MAGI3: variants seen among roughly 807,000 people sequenced by gnomAD.
MAGI3 encodes membrane-associated guanylate kinase, WW and PDZ domain-containing protein 3.
In MAGI3, 43 loss-of-function variants were observed where a neutral mutation model predicts 121.8. The ratio of observed to expected loss-of-function variants is 0.35; its 90% CI spans 0.28 to 0.46. The LOEUF (loss-of-function observed/expected upper bound fraction) is 0.46, where lower values mean the gene tolerates loss of function less well. Ranked by LOEUF, MAGI3 falls within the 20% of genes least tolerant of loss-of-function variation. The probability of loss-of-function intolerance (pLI) is 1.00; values close to 1 mark genes in which losing one functional copy is unlikely to be tolerated. For synonymous variants in MAGI3, 553 were observed against 639.3 expected (o/e 0.86, Z 2.04); for missense variants, 1,547 against 1,797.3 (o/e 0.86, Z 2.52).
intron 1 of MAGI3, among the ~76,000 whole-genome samples, chr1:113,416,214 TA>T (rs764115921): frequency 9.9e-5 from 8 of 81,128 alleles, no homozygotes; most frequent in South Asian, 3.9e-4. Context: ...CACATATTAT[TA>T]TGTGTAATTA....
intron 9 of MAGI3, among the ~76,000 whole-genome samples, chr1:113,623,965 T>C (rs888872289): frequency 4.6e-5 from 7 of 152,200 alleles, no homozygotes; most frequent in Admixed American, 6.5e-5. Context: ...AAAGTTTGTG[T>C]TTCTTTGCCT....
chr1:113,505,627 G>A (rs1570769682), intron 1 of MAGI3, among the ~76,000 whole-genome samples: 1 of 152,094 alleles, frequency 6.6e-6, no homozygotes, highest in East Asian at 1.9e-4. Flanking sequence ...GACAGAGCAG[G>A]GAAGGGAAAA....
intron 19 of MAGI3, among the ~76,000 whole-genome samples, chr1:113,678,531 TTTAA>T (rs1648017925): frequency 2.6e-5 from 4 of 152,222 alleles, no homozygotes; most frequent in Admixed American, 2.6e-4. Context: ...GCCTCCCTTG[TTTAA>T]AATAAGTATG....
At chr1:113,508,971 A>G (rs1272859892) in intron 1 of MAGI3, among the ~76,000 whole-genome samples, 2 of 152,212 alleles carry the variant, frequency 1.3e-5, no homozygotes, top group Admixed American at 1.3e-4. Context: ...AAGAAATTAT[A>G]CAAAGTGAGT....
chr1:113,476,082 A>G (rs1230107733), intron 1 of MAGI3, among the ~76,000 whole-genome samples: 1 of 151,900 alleles, frequency 6.6e-6, no homozygotes, highest in Non-Finnish European at 1.5e-5. Context: ...TATCCCCTTT[A>G]TCACTTTTTA....
intron 14 of MAGI3, among the ~76,000 whole-genome samples, chr1:113,651,812 T>A (rs913584370): frequency 1.3e-4 from 20 of 152,310 alleles, no homozygotes; most frequent in East Asian, 1.9e-4. Context: ...TGTTTTTTTT[T>A]AAATAACAAA....
At chr1:113,548,091 T>C (rs1029864366) in intron 1 of MAGI3, among the ~76,000 whole-genome samples, 2 of 152,226 alleles carry the variant, frequency 1.3e-5, no homozygotes, top group African/African-American at 4.8e-5. Flanking sequence ...AAATGTAATA[T>C]TGTGGAATAA....
chr1:113,475,006 G>T (rs1008298497), intron 1 of MAGI3, among the ~76,000 whole-genome samples: 1 of 152,152 alleles, frequency 6.6e-6, no homozygotes, highest in African/African-American at 2.4e-5. Context: ...TAGCAATTGT[G>T]AATGGGAGTT....
chr1:113,682,713 T>C (rs1648291843), intron 20 of MAGI3, 184 bp from the exon 21 acceptor site: 1 of 980,644 alleles, frequency 1.0e-6, no homozygotes, highest in Non-Finnish European at 1.2e-6. Context: ...CCTTCATGTA[T>C]GAACAGATGT....
chr1:113,517,056 G>C (rs1044852883), intron 1 of MAGI3, among the ~76,000 whole-genome samples: 2 of 151,900 alleles, frequency 1.3e-5, no homozygotes, highest in African/African-American at 2.4e-5. Context: ...ACAGATAAGG[G>C]AAGCCTAAGG....
intron 9 of MAGI3, among the ~76,000 whole-genome samples, chr1:113,633,147 T>C (rs1651749025): frequency 6.9e-6 from 1 of 145,212 alleles, no homozygotes; most frequent in South Asian, 2.2e-4. Flanking sequence ...AGTGAGAATA[T>C]GCAGTGTTTG....
intron 1 of MAGI3, among the ~76,000 whole-genome samples, chr1:113,529,835 C>A (rs1658623252): frequency 6.6e-6 from 1 of 151,048 alleles, no homozygotes; most frequent in Non-Finnish European, 1.5e-5. Flanking sequence ...ATAATCATGC[C>A]AATAAAAATA....
intron 2 of MAGI3, among the ~76,000 whole-genome samples, chr1:113,570,581 A>C (rs965017683): frequency 2.0e-5 from 3 of 152,178 alleles, no homozygotes; most frequent in Non-Finnish European, 4.4e-5. Context: ...AATAATCGCC[A>C]TTCTAACTGA....
At position 113,683,119 on chromosome 1, in the gene MAGI3, AG is replaced by A; in HGVS notation, c.3552del (p.Gln1184HisfsTer8). On this transcript the variant is annotated frameshift_variant, in exon 21 of 21. Transcript: ENST00000307546. LOFTEE classifies it low-confidence loss of function (END_TRUNC). ...LNENQPEIKHQSLLQKNVSKR... is the reference protein window; with the variant it reads ...LNENQPEIKHXSLLQKNVSKR... ...GAAAATCAGCCTGAGATAAAGCATC[AG>A]TCTCTTCTCCAGAAAAATGTGAGTA... 1 of 1,613,350 alleles carries A rather than the reference AG, an allele frequency of 6.2e-7. No homozygotes were observed. Among genetic ancestry groups the A allele is most frequent in the Non-Finnish European group, 8.5e-7 (1 of 1,179,718 alleles).
At chr1:113,600,187 C>G (rs1249169764) in intron 6 of MAGI3, among the ~76,000 whole-genome samples, 1 of 152,186 alleles carries the variant, frequency 6.6e-6, no homozygotes, top group Non-Finnish European at 1.5e-5. Flanking sequence ...TCTCTCACCA[C>G]TCCTATTCAA....
intron 1 of MAGI3, among the ~76,000 whole-genome samples, chr1:113,476,993 C>G (rs1021626309): frequency 6.6e-6 from 1 of 150,608 alleles, no homozygotes; most frequent in African/African-American, 2.4e-5. Flanking sequence ...TTCTTTGTGT[C>G]TTTTGATCTT....
intron 1 of MAGI3, among the ~76,000 whole-genome samples, chr1:113,546,208 T>G (rs1194462877): frequency 6.6e-6 from 1 of 152,220 alleles, no homozygotes; most frequent in Non-Finnish European, 1.5e-5. Context: ...AGAATGCAAG[T>G]CCATAGTTAA....
chr1:113,650,891 A>T (rs2100981685), intron 13 of MAGI3, 123 bp from the exon 14 acceptor site: 3 of 810,012 alleles, frequency 3.7e-6, no homozygotes, highest in Non-Finnish European at 5.9e-6. Flanking sequence ...TTTCTAAAAT[A>T]TAACTGTTTT....
intron 1 of MAGI3, among the ~76,000 whole-genome samples, chr1:113,429,191 T>G (rs1557752353): frequency 6.6e-6 from 1 of 152,244 alleles, no homozygotes; most frequent in Admixed American, 6.5e-5. Context: ...CTTGTCAATG[T>G]CCACTAGCAT....
Sources: allele counts gnomAD v4.1 joint callset (sites outside exome capture counted in the v4.1 genomes callset), GRCh38; gene constraint gnomAD v4.1.1; transcripts MANE v1.5; gene names NCBI Gene and HGNC (gene_info 2026-07-23, HGNC 2026-07-21).